The following VWA8 variants were observed in gnomAD, a reference collection of about 807,000 sequenced individuals.
The protein encoded by VWA8 is von Willebrand factor A domain-containing protein 8.
VWA8 carries 221 observed loss-of-function variants against 241.5 expected under a neutral mutation model. The ratio of observed to expected loss-of-function variants is 0.91; its 90% CI spans 0.82 to 1.02. The LOEUF (loss-of-function observed/expected upper bound fraction) is 1.02, where lower values mean the gene tolerates loss of function less well. Ranked by LOEUF, VWA8 falls within the 50% of genes least tolerant of loss-of-function variation. VWA8 has a pLI of 0.00. For missense variants in VWA8, 2,322 were observed against 2,328.7 expected (o/e 1.00, Z 0.06); for synonymous variants, 852 against 827.1 (o/e 1.03, Z -0.52).
rs760026353 is a variant in VWA8, at chr13:41,719,690, T to A, written c.3017A>T (p.Asp1006Val). ...SSVVRNVFDFDSYNNDMREIL... is the reference protein window; with the variant it reads ...SSVVRNVFDFVSYNNDMREIL... ...CTCCCTCATGTCATTGTTGTAGGAA[T>A]CAAAGTCAAACACATTTCGAACTAC... The change falls in exon 26 of 45, where the codon GAT (aspartate) becomes GTT (valine). Residue 1006 changes from aspartate to valine, a missense_variant. Coordinates refer to ENST00000379310, the MANE Select transcript of VWA8 (RefSeq NM_015058.2). The A allele has an allele frequency of 1.2e-6, 2 of 1,613,050 alleles. No homozygotes were observed. Among genetic ancestry groups the A allele is most frequent in the Admixed American group, 1.7e-5 (1 of 59,836 alleles).
chr13:41,620,412 A>G (rs1326496621), intron 37 of VWA8, among the ~76,000 whole-genome samples: 4 of 151,936 alleles, frequency 2.6e-5, no homozygotes, highest in Non-Finnish European at 5.9e-5. Flanking sequence ...GATCTTTTCA[A>G]AAAACCAGCT....
At chr13:41,618,110 C>A (rs1267138190) in intron 37 of VWA8, among the ~76,000 whole-genome samples, 1 of 152,176 alleles carries the variant, frequency 6.6e-6, no homozygotes, top group Non-Finnish European at 1.5e-5. Flanking sequence ...TAAAAGCGTT[C>A]CTATTTCTCC....
Position 41,709,672 on chromosome 13 carries a change from T to C in VWA8, c.3117-6261A>G, listed in dbSNP as rs78067237. Among the ~76,000 whole-genome samples, 262 of 152,288 alleles carry C rather than the reference T, an allele frequency of 1.7e-3. 1 individual carries two copies. Among genetic ancestry groups the C allele is most frequent in the African/African-American group, 6.0e-3 (251 of 41,564 alleles). ...AATGATTCAGCCTCTCTATCTTCAC[T>C]GACTCTTCCCCAGGGCAGATGGCTG... On this transcript the variant is annotated intron_variant, in intron 26 of 44. Transcript: ENST00000379310.
At chr13:41,653,213 C>G (rs185274404) in intron 37 of VWA8, among the ~76,000 whole-genome samples, 1 of 152,114 alleles carries the variant, frequency 6.6e-6, no homozygotes, top group East Asian at 1.9e-4. Flanking sequence ...ATAAAACTGC[C>G]TGTTATAAAT....
chr13:41,588,699 C>T (rs1004279072), intron 41 of VWA8, among the ~76,000 whole-genome samples: 8 of 136,634 alleles, frequency 5.9e-5, no homozygotes, highest in African/African-American at 1.9e-4. Context: ...AAAGCCTGGG[C>T]AACAAGCAAG....
chr13:41,629,656 T>G (rs1421610804), intron 37 of VWA8, among the ~76,000 whole-genome samples: 1 of 152,226 alleles, frequency 6.6e-6, no homozygotes, highest in Admixed American at 6.5e-5. Flanking sequence ...CTAGGAATGA[T>G]GTTTTTTCAC....
intron 37 of VWA8, among the ~76,000 whole-genome samples, chr13:41,633,107 T>C (rs1010413729): frequency 6.6e-6 from 1 of 152,210 alleles, no homozygotes; most frequent in Non-Finnish European, 1.5e-5. Flanking sequence ...CATGAAGTAA[T>C]CGTAATGTAC....
chr13:41,697,036 T>G (rs2045219526), intron 29 of VWA8, among the ~76,000 whole-genome samples: 1 of 152,176 alleles, frequency 6.6e-6, no homozygotes, highest in Non-Finnish European at 1.5e-5. Context: ...ACGTGGATAT[T>G]TAATAGACAT....
At chr13:41,573,869 G>A (rs1001894725) in intron 43 of VWA8, among the ~76,000 whole-genome samples, 3 of 151,920 alleles carry the variant, frequency 2.0e-5, no homozygotes, top group Non-Finnish European at 2.9e-5. Flanking sequence ...TGGTCTGCCC[G>A]CCTCGGCCTC....
chr13:41,805,424 A>T (rs1870142518), intron 17 of VWA8, among the ~76,000 whole-genome samples: 1 of 152,206 alleles, frequency 6.6e-6, no homozygotes, highest in Admixed American at 6.5e-5. Flanking sequence ...TATAAAAGCA[A>T]ATATTTTTGA....
intron 41 of VWA8, 50 bp downstream of exon 41, chr13:41,590,588 TAA>T: frequency 6.6e-7 from 1 of 1,521,438 alleles, no homozygotes; most frequent in Non-Finnish European, 8.9e-7. Context: ...CAAGTTTCTG[TAA>T]AGAGGGCTAG....
chr13:41,805,225 T>C (rs920350877), intron 17 of VWA8, among the ~76,000 whole-genome samples: 3 of 152,048 alleles, frequency 2.0e-5, no homozygotes, highest in Admixed American at 6.6e-5. Flanking sequence ...AAATATTCCA[T>C]GCCAAATGAA....
intron 8 of VWA8, among the ~76,000 whole-genome samples, chr13:41,884,298 G>A (rs1018996450): frequency 1.3e-5 from 2 of 152,128 alleles, no homozygotes; most frequent in African/African-American, 2.4e-5. Context: ...ATGATAGTGA[G>A]TTCTCATGAG....
intron 21 of VWA8, among the ~76,000 whole-genome samples, chr13:41,746,592 TA>T (rs2045608844): frequency 6.6e-6 from 1 of 152,204 alleles, no homozygotes; most frequent in Non-Finnish European, 1.5e-5. Flanking sequence ...TAAACGTTTT[TA>T]TGAACTGTCC....
At chr13:41,835,580 A>G (rs943631123) in intron 12 of VWA8, among the ~76,000 whole-genome samples, 1 of 152,198 alleles carries the variant, frequency 6.6e-6, no homozygotes, top group African/African-American at 2.4e-5. Flanking sequence ...CCCAAGCAAA[A>G]GATTCATTCC....
chr13:41,878,427 T>TG (rs1054334706), intron 9 of VWA8, among the ~76,000 whole-genome samples: 7 of 151,976 alleles, frequency 4.6e-5, no homozygotes, highest in Non-Finnish European at 1.0e-4. Context: ...TCCACTCTTT[T>TG]TTTTTTTTGA....
rs200022468 is a variant in VWA8, at chr13:41,907,614, C to T, written c.455G>A (p.Arg152His). Residue 152 changes from arginine to histidine, a missense_variant, in exon 4 of 45, where the codon CGT (arginine) becomes CAT (histidine). Transcript: ENST00000379310. The stretch of plus-strand genomic sequence containing the variant: ...ATCAATGTAAAAGGCTGTGCCTGCA[C>T]GGATCTCTCGTCGCTGTTTGAGATC... ...ETDLKQRREI[R>H]AGTAFYIDQC... The T allele has an allele frequency of 2.6e-5, 42 of 1,614,160 alleles. No homozygotes were observed. Among genetic ancestry groups the T allele is most frequent in the Non-Finnish European group, 3.5e-5 (41 of 1,180,000 alleles).
rs79889096 is a variant in VWA8 at position 41,926,380 on chromosome 13, T to G, written c.242-14212A>C. 1,276 of 552,658 alleles carry G rather than the reference T, an allele frequency of 2.3e-3. 11 individuals carry two copies. The highest frequency in any genetic ancestry group is 0.022 in the African/African-American group (1,140 of 52,732). 34.2% of individuals were successfully genotyped at this position (552,658 alleles called of 1,614,324 possible). On this transcript the variant is annotated intron_variant, in intron 2 of 44. Coordinates refer to ENST00000379310, the MANE Select transcript of VWA8 (RefSeq NM_015058.2). ...AGAAGTTTCTTGGATGAACTGGGAT[T>G]CCTAAAGATTGAAACTCCCATGGTG...
chr13:41,901,593 C>T (rs1485374517), intron 4 of VWA8, among the ~76,000 whole-genome samples: 1 of 151,974 alleles, frequency 6.6e-6, no homozygotes, highest in African/African-American at 2.4e-5. Context: ...GTAGGCCAGT[C>T]GCAGTGGCTC....
Sources: allele counts gnomAD v4.1 joint callset (sites outside exome capture counted in the v4.1 genomes callset), GRCh38; gene constraint gnomAD v4.1.1; transcripts MANE v1.5; gene names NCBI Gene and HGNC (gene_info 2026-07-23, HGNC 2026-07-21).